The following C4orf50 variants were observed in gnomAD, a reference collection of about 807,000 sequenced individuals.
C4orf50 encodes the protein chromosome 4 open reading frame 50, also known as uncharacterized protein C4orf50.
C4orf50 carries 80 observed loss-of-function variants against 77.2 expected under a neutral mutation model. That is an observed-to-expected ratio of 1.04 (90% CI 0.87 to 1.25). The LOEUF (loss-of-function observed/expected upper bound fraction) is 1.25. C4orf50 is among the 50% of genes most tolerant of loss of function. The pLI is 0.00. For missense variants in C4orf50, 1,257 were observed against 1,152.9 expected, an observed-to-expected ratio of 1.09 and a Z score of -1.31; for synonymous variants, 532 against 465.3, an observed-to-expected ratio of 1.14 and a Z score of -1.84.
At chr4:5,941,535 T>C (rs1339354508) in intron 7 of C4orf50, among the ~76,000 whole-genome samples, 1 of 152,160 alleles carries the variant, frequency 6.6e-6, no homozygotes, top group Admixed American at 6.5e-5. Flanking sequence ...GAAACTAACA[T>C]CTATTTGTTA....
At chr4:6,006,894 C>G (rs1401992253) in intron 25 of C4orf50, among the ~76,000 whole-genome samples, 1 of 152,204 alleles carries the variant, frequency 6.6e-6, no homozygotes, top group Non-Finnish European at 1.5e-5. Flanking sequence ...AAGATGCAAG[C>G]ACAGAATTGC....
chr4:5,997,180 C>T (rs942864760), intron 25 of C4orf50, among the ~76,000 whole-genome samples: 2 of 152,196 alleles, frequency 1.3e-5, no homozygotes, highest in African/African-American at 2.4e-5. Context: ...GTGGAGACCA[C>T]TCCGTAGCGC....
intron 28 of C4orf50, among the ~76,000 whole-genome samples, chr4:5,988,038 G>A (rs1720973402): frequency 6.6e-6 from 1 of 151,912 alleles, no homozygotes; most frequent in African/African-American, 2.4e-5. Flanking sequence ...ATCTTAAAGT[G>A]TGAACACCCC....
At chr4:5,946,152 T>C (rs1352574624) in intron 7 of C4orf50, among the ~76,000 whole-genome samples, 1 of 152,084 alleles carries the variant, frequency 6.6e-6, no homozygotes, top group Non-Finnish European at 1.5e-5. Context: ...CTTCCCACGC[T>C]TGCCACCCTG....
At chr4:5,909,035 A>T (rs1716677486) in intron 7 of C4orf50, among the ~76,000 whole-genome samples, 1 of 151,698 alleles carries the variant, frequency 6.6e-6, no homozygotes, top group South Asian at 2.1e-4. Flanking sequence ...CACACAATCC[A>T]CTCTACACAG....
intron 33 of C4orf50, 81 bp downstream of exon 11, chr4:5,964,943 G>T (rs755047847): frequency 1.4e-6 from 2 of 1,411,572 alleles, no homozygotes; most frequent in Non-Finnish European, 2.0e-6. Flanking sequence ...ATATCGCTTG[G>T]ATAATTTGCT....
rs1030884749 is a variant in C4orf50, at chr4:5,994,482, G to C, written c.964-6C>G. On this transcript the variant is annotated splice_region_variant and splice_polypyrimidine_tract_variant and intron_variant, in intron 25 of 33. Coordinates refer to ENST00000531445, the Ensembl canonical transcript of C4orf50. The stretch of plus-strand genomic sequence containing the variant: ...TGAACACAGCCCAGAGCATCCTGGA[G>C]GAAGACAGAGGAAGTCAGGAGCCGT... The C allele has an allele frequency of 1.3e-5, 5 of 398,894 alleles. No individual in the cohort carries two copies. The highest frequency in any genetic ancestry group is 2.2e-5 in the Non-Finnish European group (5 of 226,140). 24.7% of individuals were successfully genotyped at this position (398,894 alleles called of 1,614,324 possible).
intron 7 of C4orf50, chr4:5,904,507 C>G (rs543805683): frequency 6.6e-6 from 1 of 152,364 alleles, no homozygotes; most frequent in Non-Finnish European, 1.5e-5. Context: ...TCAGTAGGAA[C>G]TCAGCCACTG....
Position 6,014,188 on chromosome 4 carries a change from G to C in C4orf50, c.288-2220C>G, listed in dbSNP as rs1395484337. 1.3e-5 allele frequency among the ~76,000 whole-genome samples: 2 copies of C among 152,088 alleles called. 1 individual carries two copies. Among genetic ancestry groups the C allele is most frequent in the South Asian group, 4.1e-4 (2 of 4,820 alleles). On this transcript the variant is annotated intron_variant, in intron 23 of 33. Transcript: ENST00000531445. ...TGGCTAATTTTGTATTTTTAGTAGA[G>C]ACAGGGTTTCTCCATGTTGGTCAGG... is the stretch of plus-strand genomic sequence containing the variant.
At chr4:5,988,280 G>A in intron 28 of C4orf50, 67 bp downstream of exon 6, 1 of 1,560,762 alleles carries the variant, frequency 6.4e-7, no homozygotes, top group Middle Eastern at 1.7e-4. Flanking sequence ...AATTGCATAA[G>A]TGAATGGGGT....
Position 5,967,398 on chromosome 4 carries a change from C to T in C4orf50, c.4153+16G>A. 6.2e-7 allele frequency: 1 copy of T among 1,610,610 alleles called. No individual in the cohort carries two copies. The highest frequency in any genetic ancestry group is 2.2e-5 in the East Asian group (1 of 44,876). On this transcript the variant is annotated intron_variant, in intron 32 of 33. Transcript: ENST00000531445. The stretch of plus-strand genomic sequence containing the variant: ...TCTGAGCACACAGGCTTTTCCTGAT[C>T]AAAAATCACACTGACCTCTTAAAGC...
intron 7 of C4orf50, among the ~76,000 whole-genome samples, chr4:5,913,522 G>C (rs1716900101): frequency 6.6e-6 from 1 of 152,214 alleles, no homozygotes; most frequent in Non-Finnish European, 1.5e-5. Flanking sequence ...ATATAGATGA[G>C]ATAAAATGCT....
chr4:6,001,696 G>T (rs1370696479), intron 25 of C4orf50, among the ~76,000 whole-genome samples: 1 of 152,214 alleles, frequency 6.6e-6, no homozygotes, highest in Non-Finnish European at 1.5e-5. Context: ...TATTCACCCA[G>T]CACCTCTTCT....
intron 23 of C4orf50, among the ~76,000 whole-genome samples, chr4:6,014,070 T>C (rs569102223): frequency 1.3e-5 from 2 of 151,932 alleles, no homozygotes; most frequent in African/African-American, 4.8e-5. Context: ...TGGCGTGATC[T>C]CGGCTCACCA....
intron 32 of C4orf50, among the ~76,000 whole-genome samples, chr4:5,966,250 T>G (rs1238900504): frequency 6.6e-6 from 1 of 152,040 alleles, no homozygotes; most frequent in East Asian, 1.9e-4. Context: ...GCAAGGCAGG[T>G]GGATCACATG....
Position 6,013,030 on chromosome 4 carries a change from T to C in C4orf50, c.288-1062A>G, listed in dbSNP as rs59553059. ...TAGCTTTGCCTGCTGGCTCTGCCAT[T>C]CACCAGCCATGGGGTCTTAACAGGG... On this transcript the variant is annotated intron_variant, in intron 23 of 33. Transcript: ENST00000531445. Among the ~76,000 whole-genome samples the C allele has an allele frequency of 7.8e-3, 1,186 of 152,366 alleles. 16 individuals are homozygous for C. The highest frequency in any genetic ancestry group is 0.027 in the African/African-American group (1,143 of 41,592).
intron 29 of C4orf50, 50 bp from the exon 8 acceptor site, chr4:5,976,005 G>A: frequency 6.8e-7 from 1 of 1,478,718 alleles, no homozygotes; most frequent in Non-Finnish European, 9.5e-7. Flanking sequence ...ACTTACCACT[G>A]TCCAGAGCTT....
chr4:5,910,599 C>A (rs1014615488), intron 7 of C4orf50, among the ~76,000 whole-genome samples: 8 of 152,076 alleles, frequency 5.3e-5, no homozygotes, highest in African/African-American at 1.7e-4. Context: ...GAAAATGACC[C>A]CACAATAATC....
chr4:5,921,539 G>C (rs1717271599), intron 7 of C4orf50, among the ~76,000 whole-genome samples: 1 of 152,166 alleles, frequency 6.6e-6, no homozygotes, highest in Non-Finnish European at 1.5e-5. Flanking sequence ...GACAGACCCT[G>C]CCAGCATCAA....
Sources: allele counts gnomAD v4.1 joint callset (sites outside exome capture counted in the v4.1 genomes callset), GRCh38; gene constraint gnomAD v4.1.1; transcripts MANE v1.5; gene names NCBI Gene and HGNC (gene_info 2026-07-23, HGNC 2026-07-21).